The following ATF7IP variants were observed in gnomAD, a reference collection of about 807,000 sequenced individuals.
ATF7IP encodes the protein activating transcription factor 7 interacting protein.
ATF7IP carries 23 observed loss-of-function variants against 106.4 expected under a neutral mutation model. The ratio of observed to expected loss-of-function variants is 0.22; its 90% confidence interval spans 0.16 to 0.31. ATF7IP has a LOEUF of 0.31. ATF7IP is among the 10% of genes least tolerant of loss of function. The pLI is 1.00. For synonymous variants in ATF7IP, 542 were observed against 539.0 expected, an observed-to-expected ratio of 1.01 and a Z score of -0.08; for missense variants, 1,334 against 1,524.3, an observed-to-expected ratio of 0.88 and a Z score of 2.08.
At chr12:14,432,192 T>G (rs983089282) in intron 2 of ATF7IP, among the ~76,000 whole-genome samples, 20 of 152,174 alleles carry the variant, frequency 1.3e-4, no homozygotes, top group African/African-American at 4.3e-4. Context: ...TCACTCTAAT[T>G]GGAGCCATGG....
chr12:14,374,708 G>A (rs1015154638), intron 1 of ATF7IP, among the ~76,000 whole-genome samples: 4 of 152,088 alleles, frequency 2.6e-5, no homozygotes, highest in African/African-American at 9.7e-5. Flanking sequence ...AGAAAGGAAG[G>A]TAGTGTGTTA....
At chr12:14,406,902 A>G (rs1940622665) in intron 1 of ATF7IP, among the ~76,000 whole-genome samples, 1 of 152,144 alleles carries the variant, frequency 6.6e-6, no homozygotes, top group South Asian at 2.1e-4. Flanking sequence ...AGTGTTTTTA[A>G]AAGCTTGGTT....
chr12:14,402,319 G>C (rs1251068524), intron 1 of ATF7IP, among the ~76,000 whole-genome samples: 1 of 150,944 alleles, frequency 6.6e-6, no homozygotes, highest in African/African-American at 2.4e-5. Context: ...GTTGAGATGG[G>C]GTCTCGCTGT....
intron 12 of ATF7IP, among the ~76,000 whole-genome samples, chr12:14,479,202 G>C (rs1232865592): frequency 6.6e-6 from 1 of 152,174 alleles, no homozygotes; most frequent in African/African-American, 2.4e-5. Context: ...TTCTCTGGAA[G>C]GGATGGATAT....
intron 1 of ATF7IP, among the ~76,000 whole-genome samples, chr12:14,421,586 A>G (rs1195130013): frequency 6.6e-6 from 1 of 152,162 alleles, no homozygotes; most frequent in Non-Finnish European, 1.5e-5. Context: ...AAGGACACCA[A>G]TTGTATTGGA....
Position 14,500,182 on chromosome 12 carries a change from T to G in ATF7IP, c.*2109T>G, listed in dbSNP as rs1307461964. The G allele has an allele frequency of 6.6e-6, 1 of 152,260 alleles. No homozygotes were observed. The allele number at this position is 152,260 out of a possible 1,614,324, so 9.4% of individuals were successfully genotyped here. On this transcript the variant is annotated 3_prime_UTR_variant, in exon 15 of 15. Coordinates refer to ENST00000261168, the MANE Select transcript of ATF7IP (RefSeq NM_018179.5). ...CCTAGAATTACAGGAGGGAGCTCTT[T>G]TACTAATGTTGTTTTGTTTGCAACT...
At chr12:14,441,683 G>A (rs752092580) in intron 5 of ATF7IP, among the ~76,000 whole-genome samples, 1 of 151,852 alleles carries the variant, frequency 6.6e-6, no homozygotes, top group African/African-American at 2.4e-5. Flanking sequence ...TAGAGATGGG[G>A]TTTCACCATG....
intron 2 of ATF7IP, among the ~76,000 whole-genome samples, chr12:14,431,426 G>C (rs542391782): frequency 1.4e-5 from 2 of 147,802 alleles, no homozygotes; most frequent in South Asian, 4.3e-4. Context: ...ATGGCGTCTC[G>C]CTCTGTCACC....
rs556048457 is a variant in ATF7IP at position 14,480,093 on chromosome 12, G to A, written c.3098-910G>A. On this transcript the variant is annotated intron_variant, in intron 12 of 14. Transcript: ENST00000261168. The stretch of plus-strand genomic sequence containing the variant: ...TCGAAAGTTAGTATCTGTAAAGACT[G>A]AAGAGTCTTTAGTAAAGAAACCGTT... Among the ~76,000 whole-genome samples the A allele has an allele frequency of 7.9e-5, 12 of 152,234 alleles. No homozygotes were observed. In the South Asian group the frequency reaches 1.0e-3, roughly 13 times the overall value.
intron 13 of ATF7IP, among the ~76,000 whole-genome samples, chr12:14,488,477 T>C (rs533879242): frequency 6.6e-6 from 1 of 152,302 alleles, no homozygotes; most frequent in African/African-American, 2.4e-5. Flanking sequence ...CTGCCTGCTT[T>C]ATATTTGTTG....
At chr12:14,438,778 G>C (rs1399684536) in intron 5 of ATF7IP, among the ~76,000 whole-genome samples, 1 of 152,098 alleles carries the variant, frequency 6.6e-6, no homozygotes, top group Non-Finnish European at 1.5e-5. Flanking sequence ...TTACAAATAA[G>C]GTCACAGTCT....
intron 10 of ATF7IP, among the ~76,000 whole-genome samples, chr12:14,469,930 G>A (rs145374232): frequency 3.9e-5 from 6 of 152,294 alleles, no homozygotes; most frequent in East Asian, 3.9e-4. Context: ...GAGTCTCAGG[G>A]TCTGAGGTTT....
chr12:14,392,579 C>G (rs768946935), intron 1 of ATF7IP, among the ~76,000 whole-genome samples: 2 of 152,208 alleles, frequency 1.3e-5, no homozygotes, highest in Non-Finnish European at 2.9e-5. Context: ...AAGATCCTTG[C>G]TCTCTCTCAG....
At position 14,478,463 on chromosome 12, in the gene ATF7IP, C is replaced by G; in HGVS notation, c.3088C>G (p.Leu1030Val). The change falls in exon 12 of 15, where the codon CTA becomes GTA. Residue 1030 changes from leucine (L) to valine (V), a missense_variant. By Grantham distance (32) the Leu-to-Val change is conservative. Around this residue, in one of 10 missense-constraint regions of ATF7IP, gnomAD observed 370 missense variants for 401.2 expected, o/e 0.92. Coordinates refer to ENST00000261168, the MANE Select transcript of ATF7IP (RefSeq NM_018179.5). ...SGPSQTTIHL[L>V]PTAPTTVNVT... ...ACCATCTCAGACCACCATACACTTA[C>G]TACCTACAGGTAAATTTGTTGAATC... 6 of 1,613,908 alleles carry G rather than the reference C, an allele frequency of 3.7e-6. No individual in the cohort carries two copies. The highest frequency in any genetic ancestry group is 5.1e-6 in the Non-Finnish European group (6 of 1,179,864).
chr12:14,483,184 G>GT (rs1208840199), intron 13 of ATF7IP, among the ~76,000 whole-genome samples: 3 of 152,168 alleles, frequency 2.0e-5, no homozygotes, highest in African/African-American at 7.2e-5. Flanking sequence ...GCTGGTCGTG[G>GT]TTTATTCCTG....
chr12:14,421,283 T>A (rs1485291004), intron 1 of ATF7IP, among the ~76,000 whole-genome samples: 1 of 152,240 alleles, frequency 6.6e-6, no homozygotes, highest in African/African-American at 2.4e-5. Context: ...TAATCCTTTG[T>A]TGATTTTGTC....
chr12:14,424,953 T>C lies in ATF7IP; in HGVS notation c.1038T>C (p.Asp346=). 6.2e-7 allele frequency: 1 copy of C among 1,607,274 alleles called. No homozygotes were observed. Among genetic ancestry groups the C allele is most frequent in the Non-Finnish European group, 8.5e-7 (1 of 1,178,372 alleles). Residue 346 remains aspartate (D), a synonymous_variant, in exon 2 of 15, where the codon GAT becomes GAC. Transcript: ENST00000261168. The stretch of plus-strand genomic sequence containing the variant: ...AAAATAAAGCTGATAATAATATTGA[T>C]GCTAATGAAGAAACTCTAGAAACAG... The part of the protein sequence containing the change: ...DEKNKADNNI[D]ANEETLETDD...
At chr12:14,375,107 G>C (rs565156324) in intron 1 of ATF7IP, among the ~76,000 whole-genome samples, 4 of 149,830 alleles carry the variant, frequency 2.7e-5, no homozygotes, top group Non-Finnish European at 5.9e-5. Flanking sequence ...CTTGCTTATT[G>C]AAAGAATAGA....
chr12:14,405,621 T>C (rs892456993), intron 1 of ATF7IP, among the ~76,000 whole-genome samples: 1 of 151,912 alleles, frequency 6.6e-6, no homozygotes, highest in Admixed American at 6.6e-5. Context: ...CTCACTATGT[T>C]GTCCAGGCTC....
Sources: gnomAD v4.1 joint callset for allele counts (sites outside exome capture counted in the v4.1 genomes callset) on GRCh38, gnomAD v4.1.1 for gene constraint, gnomAD v4.1.1 regional missense constraint, MANE v1.5 for transcripts, NCBI Gene and HGNC (gene_info 2026-07-23, HGNC 2026-07-21) for gene names.